TFDP1: variants seen among roughly 807,000 people sequenced by gnomAD.
The protein encoded by TFDP1 is DRTF1-polypeptide 1.
In TFDP1, 6 loss-of-function variants were observed where a neutral mutation model predicts 48.0. That is an observed-to-expected ratio of 0.13 (90% confidence interval 0.07 to 0.25). The LOEUF is 0.25. Among genes scored for constraint, TFDP1 ranks in the 10% least tolerant of loss-of-function variants. The pLI is 1.00. For synonymous variants in TFDP1, 201 were observed against 211.6 expected (o/e 0.95, Z 0.44); for missense variants, 335 against 543.0 (o/e 0.62, Z 3.81).
At chr13:113,613,592 G>C (rs79999556) in intron 3 of TFDP1, among the ~76,000 whole-genome samples, 6 of 145,384 alleles carry the variant, frequency 4.1e-5, no homozygotes, top group African/African-American at 1.6e-4. Flanking sequence ...GCATGAGTGT[G>C]TGTGTGTATG....
chr13:113,619,229 T>C (rs750208567), intron 3 of TFDP1, among the ~76,000 whole-genome samples: 2 of 152,042 alleles, frequency 1.3e-5, no homozygotes, highest in Admixed American at 1.3e-4. Context: ...TCCCAGCACT[T>C]TGGGAGGCCG....
intron 3 of TFDP1, among the ~76,000 whole-genome samples, chr13:113,622,209 G>A (rs1027358557): frequency 9.2e-5 from 14 of 152,160 alleles, no homozygotes; most frequent in African/African-American, 1.7e-4. Flanking sequence ...GGCCACTACC[G>A]GTCTCTGCGA....
rs369111487 is a variant in TFDP1, at chr13:113,623,314, G to A, written c.186+28G>A. 2.8e-5 allele frequency: 45 copies of A among 1,580,306 alleles called. No homozygotes were observed. Among genetic ancestry groups the A allele is most frequent in the Admixed American group, 7.1e-5 (4 of 56,026 alleles). On this transcript the variant is annotated intron_variant, in intron 4 of 11. Transcript: ENST00000375370. The surrounding 1 kb of genome is among the most constrained non-coding windows in gnomAD (Gnocchi z 5.2). ...AAGCCTCCCGCAGGAGCGGACAGCCGGGATCTCGGTGTGAGGTCGGGATCG... is the reference window on the plus strand; with the variant it reads ...AAGCCTCCCGCAGGAGCGGACAGCCAGGATCTCGGTGTGAGGTCGGGATCG...
chr13:113,620,185 C>T (rs1056464713), intron 3 of TFDP1, among the ~76,000 whole-genome samples: 5 of 152,208 alleles, frequency 3.3e-5, no homozygotes, highest in Non-Finnish European at 5.9e-5. Context: ...GAGGGCAGGC[C>T]GGATGCCCCG....
intron 2 of TFDP1, among the ~76,000 whole-genome samples, chr13:113,602,574 A>AG (rs1491169891): frequency 6.6e-6 from 1 of 152,156 alleles, no homozygotes; most frequent in Non-Finnish European, 1.5e-5. Context: ...TCCAGTCCTC[A>AG]GGGGGATCCC....
Position 113,595,848 on chromosome 13 carries a change from T to C in TFDP1, c.12+9999T>C, listed in dbSNP as rs4150699. On this transcript the variant is annotated intron_variant, in intron 2 of 11. Transcript: ENST00000375370. The stretch of plus-strand genomic sequence containing the variant: ...CTGTAATCCCAGCACTTTGGGAGGC[T>C]GAGGCGGGCGGATCACAAGGTCAGG... Among the ~76,000 whole-genome samples, 697 of 152,330 alleles carry C rather than the reference T, an allele frequency of 4.6e-3. 5 individuals are homozygous for C. The highest frequency in any genetic ancestry group is 0.015 in the African/African-American group (631 of 41,572).
rs201411969 is a variant in TFDP1 at position 113,640,129 on chromosome 13, C to A, written c.1095C>A (p.Thr365=). The change falls in exon 12 of 12, where the codon ACC becomes ACA. Residue 365 remains threonine (T), a synonymous_variant. Coordinates refer to ENST00000375370, the MANE Select transcript of TFDP1 (RefSeq NM_007111.5). ...GCCTCCTGCCTTGCAGTGACCTGAC[C>A]AACGGTGCAGATGGGATGCTGGCCA... ...NGTRFSASDL[T]NGADGMLATS... The A allele has an allele frequency of 6.2e-7, 1 of 1,604,498 alleles. No individual in the cohort carries two copies. Among genetic ancestry groups the A allele is most frequent in the Non-Finnish European group, 8.5e-7 (1 of 1,176,624 alleles).
In TFDP1 at chr13:113,623,321, C is replaced by T. The variant is rs374069051; in HGVS notation, c.186+35C>T. ...CCGCAGGAGCGGACAGCCGGGATCT[C>T]GGTGTGAGGTCGGGATCGGATGAGC... On this transcript the variant is annotated intron_variant, in intron 4 of 11. Transcript: ENST00000375370. This position sits in a 1 kb window ranked among gnomAD's most constrained non-coding sequence, Gnocchi z 5.2. The T allele has an allele frequency of 4.0e-5, 62 of 1,569,134 alleles. No homozygotes were observed. Among genetic ancestry groups the T allele is most frequent in the African/African-American group, 3.7e-4 (27 of 73,818 alleles).
Position 113,606,235 on chromosome 13 carries a change from T to C in TFDP1, c.13-4761T>C, listed in dbSNP as rs373357028. ...CAGGGGAGCCTGTTGGAAGGCCGCG[T>C]GGTGGTGAGTGTCCGCAGGGGAGCC... is the stretch of plus-strand genomic sequence containing the variant. On this transcript the variant is annotated intron_variant, in intron 2 of 11. Transcript: ENST00000375370. Among the ~76,000 whole-genome samples, 39 of 148,792 alleles carry C rather than the reference T, an allele frequency of 2.6e-4. No individual in the cohort carries two copies. The East Asian group carries it at 7.7e-3, about 29-fold the overall frequency.
intron 3 of TFDP1, among the ~76,000 whole-genome samples, chr13:113,612,814 C>G (rs543238127): frequency 9.2e-5 from 14 of 152,330 alleles, no homozygotes; most frequent in Admixed American, 2.0e-4. Context: ...ATTCTGCATT[C>G]ATGACATAGC....
chr13:113,586,160 A>G (rs956222362), intron 2 of TFDP1: 1 of 245,286 alleles, frequency 4.1e-6, no homozygotes, highest in Non-Finnish European at 7.8e-6. Flanking sequence ...CCTTAATTAA[A>G]TTGAGGTGGA....
chr13:113,611,575 T>A (rs917859276), intron 3 of TFDP1, among the ~76,000 whole-genome samples: 1 of 152,106 alleles, frequency 6.6e-6, no homozygotes, highest in Non-Finnish European at 1.5e-5. Flanking sequence ...GCTGGAGAGG[T>A]TGAAGCCACC....
intron 4 of TFDP1, among the ~76,000 whole-genome samples, chr13:113,625,931 G>A (rs199778977): frequency 1.1e-5 from 1 of 89,134 alleles, no homozygotes; most frequent in Admixed American, 1.2e-4. Flanking sequence ...CGTGTCCTCA[G>A]GTGTTTCTCA....
At chr13:113,602,368 C>G (rs2048458829) in intron 2 of TFDP1, among the ~76,000 whole-genome samples, 1 of 151,872 alleles carries the variant, frequency 6.6e-6, no homozygotes, top group Non-Finnish European at 1.5e-5. Flanking sequence ...GGATGGAGTT[C>G]TCCGCACGAG....
At chr13:113,609,606 C>G (rs955824903) in intron 2 of TFDP1, among the ~76,000 whole-genome samples, 1 of 152,054 alleles carries the variant, frequency 6.6e-6, no homozygotes, top group Non-Finnish European at 1.5e-5. Context: ...TGGCTGCCTC[C>G]CCTGTGTCCC....
chr13:113,586,670 T>C (rs2048012189), intron 2 of TFDP1, among the ~76,000 whole-genome samples: 2 of 152,202 alleles, frequency 1.3e-5, no homozygotes, highest in South Asian at 4.1e-4. Flanking sequence ...GTAGCGAAAA[T>C]GCGTCCAGAG....
chr13:113,596,701 G>A (rs537133567), intron 2 of TFDP1, among the ~76,000 whole-genome samples: 1 of 152,304 alleles, frequency 6.6e-6, no homozygotes, highest in East Asian at 1.9e-4. Context: ...AAATGGAAAA[G>A]CAGTTCCCAT....
rs2049042998 is a variant in TFDP1, at chr13:113,623,345, G to T, written c.186+59G>T. ...TCGGTGTGAGGTCGGGATCGGATGA[G>T]CCGTGTGGTTGGGGATGTTCCCAGG... On this transcript the variant is annotated intron_variant, in intron 4 of 11. Transcript: ENST00000375370. This position sits in a 1 kb window ranked among gnomAD's most constrained non-coding sequence, Gnocchi z 5.2. 2 of 1,498,434 alleles carry T rather than the reference G, an allele frequency of 1.3e-6. No homozygotes were observed. Among genetic ancestry groups the T allele is most frequent in the African/African-American group, 2.8e-5 (2 of 72,048 alleles). 92.8% of individuals were successfully genotyped at this position (1,498,434 alleles called of 1,614,324 possible).
intron 2 of TFDP1, among the ~76,000 whole-genome samples, chr13:113,606,629 C>G (rs537746052): frequency 6.6e-6 from 1 of 152,138 alleles, no homozygotes; most frequent in South Asian, 2.1e-4. Flanking sequence ...TGCCTGCTCC[C>G]GCTCACGTCT....
Sources: gnomAD v4.1 joint callset for allele counts (sites outside exome capture counted in the v4.1 genomes callset) on GRCh38, gnomAD v4.1.1 for gene constraint, Gnocchi (gnomAD v3.1) non-coding constraint, MANE v1.5 for transcripts, NCBI Gene and HGNC (gene_info 2026-07-23, HGNC 2026-07-21) for gene names.